The following FHIT variants were observed in gnomAD, a reference collection of about 807,000 sequenced individuals.
The protein encoded by FHIT is fragile histidine triad diadenosine triphosphatase.
In FHIT, 19 loss-of-function variants were observed where a neutral mutation model predicts 17.9. The observed-to-expected ratio is 1.06, with a 90% CI of 0.74 to 1.56. The LOEUF is 1.56. FHIT is among the 40% of genes most tolerant of loss of function. The pLI is 0.00. For synonymous variants in FHIT, 81 were observed against 69.7 expected, an observed-to-expected ratio of 1.16 and a Z score of -0.81; for missense variants, 248 against 189.2, an observed-to-expected ratio of 1.31 and a Z score of -1.82.
intron 8 of FHIT, among the ~76,000 whole-genome samples, chr3:59,845,771 A>T (rs1339109841): frequency 6.6e-6 from 1 of 152,142 alleles, no homozygotes; most frequent in East Asian, 1.9e-4. Flanking sequence ...AGTGTTTGGC[A>T]TGTATCTGTT....
At chr3:59,933,767 G>A (rs146359334) in intron 7 of FHIT, among the ~76,000 whole-genome samples, 2,623 of 152,210 alleles carry the variant, frequency 0.017, 26 homozygotes, top group Non-Finnish European at 0.028. Flanking sequence ...AAATTATATG[G>A]TCTCCCTAAC....
intron 4 of FHIT, among the ~76,000 whole-genome samples, chr3:60,550,053 G>A (rs1475595168): frequency 1.3e-5 from 2 of 151,986 alleles, no homozygotes; most frequent in African/African-American, 4.8e-5. Context: ...AAACACTAGG[G>A]GCTCAATTGT....
At chr3:60,949,208 C>T (rs1309660286) in intron 3 of FHIT, among the ~76,000 whole-genome samples, 1 of 152,162 alleles carries the variant, frequency 6.6e-6, no homozygotes, top group Non-Finnish European at 1.5e-5. Flanking sequence ...AGTAATCCCC[C>T]TACCAAATAC....
chr3:59,993,769 A>G (rs1699390307), intron 7 of FHIT, among the ~76,000 whole-genome samples: 1 of 151,714 alleles, frequency 6.6e-6, no homozygotes, highest in Non-Finnish European at 1.5e-5. Context: ...TTCCTGTTCA[A>G]CTCTGCCTCT....
At chr3:60,180,011 T>C (rs1249151522) in intron 5 of FHIT, among the ~76,000 whole-genome samples, 2 of 152,166 alleles carry the variant, frequency 1.3e-5, no homozygotes, top group Admixed American at 6.5e-5. Flanking sequence ...CTATATGTAA[T>C]ATATTTATGT....
chr3:60,979,545 G>A (rs1415781569), intron 3 of FHIT, among the ~76,000 whole-genome samples: 1 of 152,188 alleles, frequency 6.6e-6, no homozygotes, highest in Non-Finnish European at 1.5e-5. Flanking sequence ...TCCTCTGGCA[G>A]TTCTCCAGGG....
intron 4 of FHIT, among the ~76,000 whole-genome samples, chr3:60,649,264 G>T (rs2039936106): frequency 1.3e-5 from 2 of 152,136 alleles, no homozygotes; most frequent in African/African-American, 4.8e-5. Context: ...GCCGGGCGTG[G>T]TGGCGGGCAC....
At chr3:60,373,767 C>T (rs1195969512) in intron 5 of FHIT, among the ~76,000 whole-genome samples, 1 of 152,098 alleles carries the variant, frequency 6.6e-6, no homozygotes, top group Admixed American at 6.6e-5. Context: ...GTCTATCTAA[C>T]CAGAATGCCA....
In FHIT at chr3:59,822,431, C is replaced by T. The variant is rs1559636444; in HGVS notation, c.349-70110G>A. ...TCCCATCAGCAGTGTAGAGGTGTTC[C>T]CTTTTCACAGCATCCACGCCAACAT... On this transcript the variant is annotated intron_variant, in intron 8 of 9. Coordinates refer to ENST00000492590, the MANE Select transcript of FHIT (RefSeq NM_002012.4). Among the ~76,000 whole-genome samples the T allele has an allele frequency of 1.3e-5, 2 of 152,140 alleles. 1 individual carries two copies. The highest frequency in any genetic ancestry group is 4.2e-4 in the South Asian group (2 of 4,810).
At chr3:59,848,356 T>C (rs1275742765) in intron 8 of FHIT, among the ~76,000 whole-genome samples, 1 of 152,154 alleles carries the variant, frequency 6.6e-6, no homozygotes, top group Non-Finnish European at 1.5e-5. Flanking sequence ...GAAATACAGA[T>C]TTCTCAAGCT....
At chr3:60,059,655 C>T (rs77740822) in intron 5 of FHIT, among the ~76,000 whole-genome samples, 4,862 of 152,222 alleles carry the variant, frequency 0.032, 247 homozygotes, top group African/African-American at 0.11. Flanking sequence ...GAGGCAAGAA[C>T]TGAGGTTGCT....
At chr3:60,388,276 T>TA (rs1289456204) in intron 5 of FHIT, among the ~76,000 whole-genome samples, 1 of 152,182 alleles carries the variant, frequency 6.6e-6, no homozygotes, top group Non-Finnish European at 1.5e-5. Flanking sequence ...GTACTTCAGA[T>TA]AGCCTTCTGC....
intron 5 of FHIT, among the ~76,000 whole-genome samples, chr3:60,292,110 G>A (rs775413352): frequency 1.4e-4 from 22 of 152,036 alleles, no homozygotes; most frequent in Non-Finnish European, 2.4e-4. Context: ...AAGCTGTGGC[G>A]CCAACCTTGC....
intron 5 of FHIT, among the ~76,000 whole-genome samples, chr3:60,186,668 G>A (rs73097598): frequency 0.091 from 13,895 of 152,078 alleles, 870 homozygotes; most frequent in Middle Eastern, 0.16. Flanking sequence ...GAGTATAGAC[G>A]GGCCTCATTA....
chr3:60,746,058 T>TA (rs1289504367), intron 4 of FHIT, among the ~76,000 whole-genome samples: 1 of 152,220 alleles, frequency 6.6e-6, no homozygotes, highest in African/African-American at 2.4e-5. Context: ...ATTTCTACTC[T>TA]AGTGTCATTA....
chr3:60,139,300 A>T (rs184659595), intron 5 of FHIT, among the ~76,000 whole-genome samples: 4 of 152,294 alleles, frequency 2.6e-5, no homozygotes, highest in Non-Finnish European at 5.9e-5. Flanking sequence ...TCCTAATTAA[A>T]GGGAGTGAGA....
intron 5 of FHIT, among the ~76,000 whole-genome samples, chr3:60,151,746 T>A (rs1473134265): frequency 6.6e-6 from 1 of 152,182 alleles, no homozygotes; most frequent in African/African-American, 2.4e-5. Flanking sequence ...TTCCTCTTAA[T>A]ACTTCCAAGG....
chr3:59,910,211 T>C (rs909508992), intron 8 of FHIT, among the ~76,000 whole-genome samples: 1 of 152,140 alleles, frequency 6.6e-6, no homozygotes. Flanking sequence ...TCTGGAAAGA[T>C]GGGACAACTT....
intron 4 of FHIT, among the ~76,000 whole-genome samples, chr3:60,541,566 C>T (rs527541162): frequency 2.0e-5 from 3 of 152,206 alleles, no homozygotes; most frequent in South Asian, 2.1e-4. Flanking sequence ...ATGATTGGTT[C>T]GGGAGTGGAC....
Sources: allele counts gnomAD v4.1 joint callset (sites outside exome capture counted in the v4.1 genomes callset), GRCh38; gene constraint gnomAD v4.1.1; transcripts MANE v1.5; gene names NCBI Gene and HGNC (gene_info 2026-07-23, HGNC 2026-07-21).